A1CF: variants seen among roughly 807,000 people sequenced by gnomAD.
The protein encoded by A1CF is APOBEC1 complementation factor.
A neutral mutation model predicts 68.9 loss-of-function variants in A1CF; 48 were observed. That is an observed-to-expected ratio of 0.70 (90% CI 0.55 to 0.89). The LOEUF (loss-of-function observed/expected upper bound fraction) is 0.89, where lower values mean the gene tolerates loss of function less well. Among genes scored for constraint, A1CF ranks in the 40% least tolerant of loss-of-function variants. The probability of loss-of-function intolerance (pLI) is 0.00; values close to 1 mark genes in which losing one functional copy is unlikely to be tolerated. For synonymous variants in A1CF, 272 were observed against 260.4 expected, an observed-to-expected ratio of 1.04 and a Z score of -0.43; for missense variants, 653 against 718.9, an observed-to-expected ratio of 0.91 and a Z score of 1.05.
chr10:50,831,078 C>A (rs1162154316), intron 6 of A1CF, among the ~76,000 whole-genome samples: 1 of 152,026 alleles, frequency 6.6e-6, no homozygotes, highest in East Asian at 1.9e-4. Context: ...TGAGATGGGA[C>A]CCTTATCTTA....
At chr10:50,841,334 G>A (rs1217073919) in intron 5 of A1CF, among the ~76,000 whole-genome samples, 4 of 152,012 alleles carry the variant, frequency 2.6e-5, no homozygotes, top group East Asian at 1.9e-4. Context: ...TTTTCACTTC[G>A]GGAACTTTAT....
At chr10:50,882,030 C>T (rs1367955799) in intron 1 of A1CF, among the ~76,000 whole-genome samples, 1 of 152,256 alleles carries the variant, frequency 6.6e-6, no homozygotes, top group African/African-American at 2.4e-5. Flanking sequence ...ATATCTTATA[C>T]AGGACGATGA....
intron 6 of A1CF, among the ~76,000 whole-genome samples, chr10:50,830,823 A>G (rs1839202355): frequency 6.6e-6 from 1 of 152,192 alleles, no homozygotes; most frequent in African/African-American, 2.4e-5. Context: ...GAACCAAAAG[A>G]ACAAAGCTGG....
At position 50,804,801 on chromosome 10, in the gene A1CF, A is replaced by C. The variant is rs1349764902; in HGVS notation, c.*1928T>G. 1 of 152,216 alleles carries C rather than the reference A, an allele frequency of 6.6e-6. No homozygotes were observed. Among genetic ancestry groups the C allele is most frequent in the East Asian group, 1.9e-4 (1 of 5,204 alleles). The allele number at this position is 152,216 out of a possible 1,614,324, so 9.4% of individuals were successfully genotyped here. A position where few individuals can be genotyped will look rare whatever the true frequency, so the allele number is the denominator to read the frequency against. On this transcript the variant is annotated 3_prime_UTR_variant, in exon 13 of 13. Transcript: ENST00000373997. Reference sequence around the variant, plus strand: ...AAAAGAAATAAAGAGATAGAGTATAAATACAAGAATATAGCAATTCCCAAA... The same window carrying C: ...AAAAGAAATAAAGAGATAGAGTATACATACAAGAATATAGCAATTCCCAAA...
chr10:50,821,058 A>G (rs1453537641), intron 7 of A1CF, among the ~76,000 whole-genome samples: 1 of 152,156 alleles, frequency 6.6e-6, no homozygotes, highest in African/African-American at 2.4e-5. Context: ...AAATGTCTTT[A>G]TCTCTTTTGT....
rs372749879 is a variant in A1CF, at chr10:50,824,820, C to T, written c.769+3311G>A. ...AACCTGGGCAAACTACTTAACTACTCTGGGTCCTGTTTTTCTTATCTAGAA... is the reference window on the plus strand; with the variant it reads ...AACCTGGGCAAACTACTTAACTACTTTGGGTCCTGTTTTTCTTATCTAGAA... On this transcript the variant is annotated intron_variant, in intron 7 of 12. Coordinates refer to ENST00000373997, the MANE Select transcript of A1CF (RefSeq NM_014576.4). Among the ~76,000 whole-genome samples the T allele has an allele frequency of 3.9e-4, 60 of 152,294 alleles. 1 individual carries two copies. The East Asian group carries it at 6.0e-3, about 15-fold the overall frequency.
intron 2 of A1CF, among the ~76,000 whole-genome samples, chr10:50,863,783 G>A (rs1287521773): frequency 6.6e-6 from 1 of 152,078 alleles, no homozygotes; most frequent in Admixed American, 6.6e-5. Context: ...AAAATACAGT[G>A]AGACAGAAGT....
chr10:50,885,306 C>T (rs1841955305), intron 1 of A1CF, among the ~76,000 whole-genome samples: 1 of 152,170 alleles, frequency 6.6e-6, no homozygotes, highest in Non-Finnish European at 1.5e-5. Context: ...AAATAAACTT[C>T]TCACAACATT....
intron 3 of A1CF, among the ~76,000 whole-genome samples, chr10:50,853,682 T>C (rs1840348662): frequency 6.6e-6 from 1 of 151,758 alleles, no homozygotes; most frequent in African/African-American, 2.4e-5. Flanking sequence ...AATTAAAGAA[T>C]TTTCTTTAAA....
intron 12 of A1CF, 49 bp from the exon 13 acceptor site, chr10:50,806,929 C>A: frequency 6.4e-7 from 1 of 1,571,052 alleles, no homozygotes; most frequent in South Asian, 1.2e-5. Flanking sequence ...CACATTTGCT[C>A]CCTTTTGGCT....
intron 4 of A1CF, among the ~76,000 whole-genome samples, chr10:50,842,510 C>T (rs911610166): frequency 3.3e-5 from 5 of 152,206 alleles, no homozygotes; most frequent in Non-Finnish European, 5.9e-5. Context: ...ACTTGGAAGG[C>T]GGAGGTGGGA....
At position 50,802,109 on chromosome 10, in the gene A1CF, G is replaced by A. The variant is rs147886350; in HGVS notation, c.*4620C>T. The A allele has an allele frequency of 1.2e-4, 19 of 152,268 alleles. No individual in the cohort carries two copies. Among genetic ancestry groups the A allele is most frequent in the African/African-American group, 4.3e-4 (18 of 41,578 alleles). The allele number at this position is 152,268 out of a possible 1,614,324, so 9.4% of individuals were successfully genotyped here. ...CTTAAATATTTTACTTTTTAAGAGA[G>A]GGAATGGGAGTCAGAAAAATCTCAT... On this transcript the variant is annotated 3_prime_UTR_variant, in exon 13 of 13. Transcript: ENST00000373997.
At position 50,859,958 on chromosome 10, in the gene A1CF, A is replaced by C; in HGVS notation, c.-18T>G. On this transcript the variant is annotated 5_prime_UTR_variant, in exon 3 of 13. Transcript: ENST00000373997. ...GATTCCATTGAGAGTGATTATCAGC[A>C]AAAAATCAGGTTAATTAGGGTTGCT... 2 of 1,609,304 alleles carry C rather than the reference A, an allele frequency of 1.2e-6. No homozygotes were observed. Among genetic ancestry groups the C allele is most frequent in the Non-Finnish European group, 8.5e-7 (1 of 1,176,072 alleles).
intron 3 of A1CF, among the ~76,000 whole-genome samples, chr10:50,844,609 T>C (rs532355921): frequency 2.0e-5 from 3 of 152,302 alleles, no homozygotes; most frequent in Non-Finnish European, 4.4e-5. Context: ...TTACTCTGAC[T>C]GAGGCAGAAG....
intron 1 of A1CF, among the ~76,000 whole-genome samples, chr10:50,864,863 C>T (rs1840912127): frequency 6.6e-6 from 1 of 152,142 alleles, no homozygotes; most frequent in South Asian, 2.1e-4. Flanking sequence ...GGTGATCCGC[C>T]AGCCTTGGCC....
At chr10:50,843,841 T>A in intron 4 of A1CF, 147 bp downstream of exon 4, 1 of 979,166 alleles carries the variant, frequency 1.0e-6, no homozygotes, top group Admixed American at 2.3e-5. Context: ...AAAGAGATAA[T>A]CACTAGAAAC....
chr10:50,831,455 G>A (rs912293537), intron 6 of A1CF, among the ~76,000 whole-genome samples: 5 of 152,310 alleles, frequency 3.3e-5, no homozygotes, highest in Non-Finnish European at 5.9e-5. Flanking sequence ...AAGGCCGGGC[G>A]TGGTGGCTCA....
rs763468263 is a variant in A1CF, at chr10:50,872,590, A to G, written c.-93-8510T>C. On this transcript the variant is annotated intron_variant, in intron 1 of 12. Coordinates refer to ENST00000373997, the MANE Select transcript of A1CF (RefSeq NM_014576.4). ...GCTGTGAAGAACACAGGACACCATA[A>G]TGAACCAATGAGGGGGATGCTGTGG... Among the ~76,000 whole-genome samples the G allele has an allele frequency of 4.2e-4, 64 of 152,152 alleles. 1 individual carries two copies. The highest frequency in any genetic ancestry group is 1.3e-4 in the Non-Finnish European group (9 of 68,020).
intron 12 of A1CF, among the ~76,000 whole-genome samples, chr10:50,808,585 G>T (rs956210258): frequency 2.0e-5 from 3 of 152,174 alleles, no homozygotes; most frequent in Non-Finnish European, 4.4e-5. Context: ...CTGGCTGCTG[G>T]CCCCACACTG....
Sources: gnomAD v4.1 joint callset for allele counts (sites outside exome capture counted in the v4.1 genomes callset) on GRCh38, gnomAD v4.1.1 for gene constraint, MANE v1.5 for transcripts, NCBI Gene and HGNC (gene_info 2026-07-23, HGNC 2026-07-21) for gene names.